Variants in ATP9A observed in about 807,000 individuals in gnomAD.
ATP9A encodes ATPase phospholipid transporting 9A, also known as probable phospholipid-transporting ATPase IIA.
A neutral mutation model predicts 144.1 loss-of-function variants in ATP9A; 52 were observed. The ratio of observed to expected loss-of-function variants is 0.36; its 90% CI spans 0.29 to 0.45. The LOEUF (loss-of-function observed/expected upper bound fraction) is 0.45, where lower values mean the gene tolerates loss of function less well. ATP9A is among the 20% of genes least tolerant of loss of function. The pLI is 1.00. For missense variants in ATP9A, 947 were observed against 1,392.7 expected (o/e 0.68, Z 5.09); for synonymous variants, 582 against 557.4 (o/e 1.04, Z -0.62).
chr20:51,743,737 C>T (rs1487657578), intron 1 of ATP9A, among the ~76,000 whole-genome samples: 2 of 166 alleles, frequency 0.012, no homozygotes, highest in Non-Finnish European at 0.021. Flanking sequence ...AGGCCGGGCA[C>T]GGTCGTCACG....
intron 19 of ATP9A, among the ~76,000 whole-genome samples, chr20:51,619,563 TTA>T (rs1491393070): frequency 2.2e-4 from 12 of 55,310 alleles, no homozygotes; most frequent in Admixed American, 1.6e-3. Context: ...GACTCGTCTT[TTA>T]AAAAAAAAAA....
chr20:51,627,851 G>A (rs2077255806), intron 16 of ATP9A, among the ~76,000 whole-genome samples, 168 bp from the exon 17 acceptor site: 1 of 151,832 alleles, frequency 6.6e-6, no homozygotes, highest in Non-Finnish European at 1.5e-5. Context: ...GCTTTCTATA[G>A]GGGAAGTTGC....
intron 14 of ATP9A, among the ~76,000 whole-genome samples, chr20:51,655,015 C>T (rs747117109): frequency 1.1e-4 from 17 of 152,142 alleles, no homozygotes; most frequent in Non-Finnish European, 2.1e-4. Flanking sequence ...AACCCAATCA[C>T]GCCACTTCTA....
chr20:51,737,139 G>C (rs1181332098), intron 1 of ATP9A, among the ~76,000 whole-genome samples: 1 of 152,204 alleles, frequency 6.6e-6, no homozygotes, highest in African/African-American at 2.4e-5. Context: ...AGGCCTGTCT[G>C]ATCCAGACCC....
intron 15 of ATP9A, among the ~76,000 whole-genome samples, chr20:51,638,077 A>ATC (rs2077301605): frequency 2.0e-4 from 3 of 14,990 alleles, no homozygotes; most frequent in Non-Finnish European, 3.6e-4. Context: ...CATTTTATAT[A>ATC]TATATATATA....
In ATP9A at chr20:51,598,481, C is replaced by T. The variant is rs989516528; in HGVS notation, c.*2730G>A. ...CTCCCAGGTGACAGTGTCAATGGCG[C>T]TTTATGTAAGTTCTTTCCAGATTGA... On this transcript the variant is annotated 3_prime_UTR_variant, in exon 28 of 28. Coordinates refer to ENST00000338821, the MANE Select transcript of ATP9A (RefSeq NM_006045.3). 1 of 152,100 alleles carries T rather than the reference C, an allele frequency of 6.6e-6. No individual in the cohort carries two copies. Among genetic ancestry groups the T allele is most frequent in the Admixed American group, 6.5e-5 (1 of 15,268 alleles). The allele number at this position is 152,100 out of a possible 1,614,324, so 9.4% of individuals were successfully genotyped here. A position where few individuals can be genotyped will look rare whatever the true frequency, so the allele number is the denominator to read the frequency against.
chr20:51,650,387 A>T (rs2077358764), intron 14 of ATP9A, among the ~76,000 whole-genome samples: 1 of 152,002 alleles, frequency 6.6e-6, no homozygotes, highest in South Asian at 2.1e-4. Flanking sequence ...TACAAAAATT[A>T]GCTGGGCGTG....
intron 22 of ATP9A, among the ~76,000 whole-genome samples, chr20:51,616,190 A>G (rs1189223048): frequency 3.3e-5 from 5 of 152,304 alleles, no homozygotes; most frequent in Admixed American, 6.5e-5. Flanking sequence ...AGAGAACCAG[A>G]AAGGGTGGTA....
chr20:51,623,591 A>G (rs2077235319), intron 18 of ATP9A, among the ~76,000 whole-genome samples: 1 of 151,972 alleles, frequency 6.6e-6, no homozygotes, highest in African/African-American at 2.4e-5. Context: ...GACCAGCCTG[A>G]CCAACATGGA....
intron 15 of ATP9A, among the ~76,000 whole-genome samples, chr20:51,634,904 G>T (rs971237080): frequency 2.0e-5 from 3 of 149,588 alleles, no homozygotes; most frequent in Non-Finnish European, 4.4e-5. Flanking sequence ...GCATATTCAT[G>T]GTGTGCGTCT....
At chr20:51,712,518 C>T (rs2077644078) in intron 4 of ATP9A, among the ~76,000 whole-genome samples, 1 of 152,184 alleles carries the variant, frequency 6.6e-6, no homozygotes. Context: ...TTCATGGATG[C>T]AGTTATTTAT....
chr20:51,652,918 C>T (rs1029042801), intron 14 of ATP9A, among the ~76,000 whole-genome samples: 1 of 151,994 alleles, frequency 6.6e-6, no homozygotes, highest in Non-Finnish European at 1.5e-5. Context: ...ACCAACCTGG[C>T]TAACACGGTG....
At chr20:51,602,961 C>T (rs1187505014) in intron 27 of ATP9A, among the ~76,000 whole-genome samples, 1 of 152,142 alleles carries the variant, frequency 6.6e-6, no homozygotes, top group Non-Finnish European at 1.5e-5. Flanking sequence ...GCGGTGGGGT[C>T]CACACCACCC....
rs561207691 is a variant in ATP9A at position 51,656,721 on chromosome 20, C to CT, written c.1506+216dup. 1.9e-3 allele frequency among the ~76,000 whole-genome samples: 291 copies of CT among 152,264 alleles called. 4 individuals carry two copies. In the East Asian group the frequency reaches 0.02, roughly 10 times the overall value. ...CCTTTTGAGTTACAAAACAAAATCT[C>CT]TAACTTTCCTAATTCAGACTATACC... On this transcript the variant is annotated intron_variant, in intron 14 of 27. Transcript: ENST00000338821.
intron 5 of ATP9A, among the ~76,000 whole-genome samples, chr20:51,696,645 T>A (rs534856461): frequency 6.6e-6 from 1 of 152,308 alleles, no homozygotes; most frequent in East Asian, 1.9e-4. Flanking sequence ...AGCCCCCATT[T>A]AATTATGAAC....
At chr20:51,705,111 A>C (rs868015155) in intron 4 of ATP9A, among the ~76,000 whole-genome samples, 2 of 152,350 alleles carry the variant, frequency 1.3e-5, no homozygotes, top group Middle Eastern at 3.4e-3. Flanking sequence ...ACTTGGGTTT[A>C]GGAATATAAA....
At chr20:51,607,825 C>T (rs746944315) in intron 25 of ATP9A, among the ~76,000 whole-genome samples, 61 of 152,222 alleles carry the variant, frequency 4.0e-4, no homozygotes, top group Middle Eastern at 6.8e-3. Context: ...AAGTGGATCA[C>T]TTGAGGTCAG....
intron 4 of ATP9A, among the ~76,000 whole-genome samples, chr20:51,710,521 CT>C (rs2077633488): frequency 6.6e-6 from 1 of 152,170 alleles, no homozygotes; most frequent in African/African-American, 2.4e-5. Flanking sequence ...TACTCTGGCC[CT>C]CCCCCCAAAA....
intron 1 of ATP9A, among the ~76,000 whole-genome samples, chr20:51,741,931 C>A (rs960186227): frequency 3.9e-5 from 6 of 152,178 alleles, no homozygotes; most frequent in African/African-American, 1.4e-4. Context: ...AGTATCCAGC[C>A]CAAAACGCCA....
Sources: allele counts gnomAD v4.1 joint callset (sites outside exome capture counted in the v4.1 genomes callset), GRCh38; gene constraint gnomAD v4.1.1; transcripts MANE v1.5; gene names NCBI Gene and HGNC (gene_info 2026-07-23, HGNC 2026-07-21).